Variants in SAXO1 observed in about 807,000 individuals in gnomAD.
SAXO1 encodes stabilizer of axonemal microtubules 1, also known as 4930500O09Rik.
In SAXO1, 21 loss-of-function variants were observed where a neutral mutation model predicts 17.5. The ratio of observed to expected loss-of-function variants is 1.20; its 90% CI spans 0.85 to 1.72. SAXO1 has a LOEUF of 1.72. SAXO1 is among the 40% of genes most tolerant of loss of function. The probability of loss-of-function intolerance (pLI) is 0.00; values close to 1 mark genes in which losing one functional copy is unlikely to be tolerated. For missense variants in SAXO1, 843 were observed against 596.0 expected, an observed-to-expected ratio of 1.41 and a Z score of -4.32; for synonymous variants, 274 against 216.5, an observed-to-expected ratio of 1.27 and a Z score of -2.33.
chr9:19,037,943 TCAAGCTTTTCCACC>T (rs1835982481), upstream of SAXO1, among the ~76,000 whole-genome samples: 1 of 152,208 alleles, frequency 6.6e-6, no homozygotes, highest in Non-Finnish European at 1.5e-5. Context: ...TCAGATGGTC[TCAAGCTTTTCCACC>T]CAATGAAAGG....
At chr9:18,957,612 T>G (rs1425717345) in intron 1 of SAXO1, among the ~76,000 whole-genome samples, 1 of 152,178 alleles carries the variant, frequency 6.6e-6, no homozygotes, top group Non-Finnish European at 1.5e-5. Context: ...ATTCCCCATC[T>G]AGGAGAGGGG....
intron 1 of SAXO1, among the ~76,000 whole-genome samples, chr9:18,965,699 AT>A (rs755578130): frequency 4.6e-5 from 7 of 152,020 alleles, no homozygotes; most frequent in Non-Finnish European, 8.8e-5. Context: ...ACTCTATCCA[AT>A]TTGCCAGTCT....
intron 1 of SAXO1, among the ~76,000 whole-genome samples, chr9:18,960,892 G>C (rs1588443585): frequency 6.6e-6 from 1 of 152,142 alleles, no homozygotes; most frequent in East Asian, 1.9e-4. Context: ...AGTCAGATAA[G>C]GGGTTCCCAT....
intron 1 of SAXO1, among the ~76,000 whole-genome samples, chr9:18,991,131 G>T (rs1334142327): frequency 6.6e-6 from 1 of 152,096 alleles, no homozygotes; most frequent in African/African-American, 2.4e-5. Flanking sequence ...GGTGGTGCAT[G>T]CCTGTAATCC....
chr9:19,035,890 G>C (rs1488684087), upstream of SAXO1, among the ~76,000 whole-genome samples: 5 of 152,142 alleles, frequency 3.3e-5, no homozygotes, highest in Non-Finnish European at 7.4e-5. Flanking sequence ...CAGGTGACTT[G>C]GGTGCTGTTA....
At chr9:18,943,002 C>A (rs745517113) in intron 2 of SAXO1, among the ~76,000 whole-genome samples, 1 of 152,332 alleles carries the variant, frequency 6.6e-6, no homozygotes, top group South Asian at 2.1e-4. Context: ...GCCCAAACAC[C>A]AATAAAACCC....
chr9:18,983,738 T>A (rs550924118), intron 1 of SAXO1, among the ~76,000 whole-genome samples: 1 of 152,278 alleles, frequency 6.6e-6, no homozygotes, highest in Admixed American at 6.5e-5. Flanking sequence ...TCCAAAAGGG[T>A]TGAAATCAAC....
At chr9:19,025,330 C>A (rs967453783) in intron 1 of SAXO1, among the ~76,000 whole-genome samples, 7 of 152,070 alleles carry the variant, frequency 4.6e-5, no homozygotes, top group African/African-American at 1.7e-4. Flanking sequence ...AATAAGAATT[C>A]TTCTTAAAAC....
At chr9:19,020,533 A>AT (rs1250871148) in intron 1 of SAXO1, among the ~76,000 whole-genome samples, 1 of 151,896 alleles carries the variant, frequency 6.6e-6, no homozygotes, top group Non-Finnish European at 1.5e-5. Context: ...TTGTTGTTGT[A>AT]TTTTTTGTAG....
intron 1 of SAXO1, among the ~76,000 whole-genome samples, chr9:18,964,309 T>C (rs936890930): frequency 6.6e-6 from 1 of 152,220 alleles, no homozygotes; most frequent in Non-Finnish European, 1.5e-5. Flanking sequence ...GAGGAGTCCC[T>C]CTTTTTCTAT....
At chr9:19,034,002 C>T (rs1352208257), upstream of SAXO1, among the ~76,000 whole-genome samples, 8 of 152,302 alleles carry the variant, frequency 5.3e-5, no homozygotes, top group Non-Finnish European at 1.0e-4. Flanking sequence ...GTCTCCCTTG[C>T]ATCAAAACCT....
upstream of SAXO1, among the ~76,000 whole-genome samples, chr9:19,036,110 T>G (rs1294055560): frequency 5.8e-4 from 30 of 51,878 alleles, no homozygotes; most frequent in Middle Eastern, 9.1e-3. Context: ...TGGCGGGGGG[T>G]AGGGGGCTGG....
chr9:19,004,863 AAAT>A (rs1212582357), intron 1 of SAXO1, among the ~76,000 whole-genome samples: 5 of 152,140 alleles, frequency 3.3e-5, no homozygotes. Flanking sequence ...ACTTAGAGTA[AAAT>A]AATAATAAAA....
At chr9:19,012,976 C>T (rs60744392) in intron 1 of SAXO1, among the ~76,000 whole-genome samples, 128 of 152,272 alleles carry the variant, frequency 8.4e-4, no homozygotes, top group African/African-American at 2.8e-3. Context: ...ATAGGTCACG[C>T]TTTTCTCTAG....
intron 1 of SAXO1, among the ~76,000 whole-genome samples, chr9:18,980,867 A>G (rs1301518167): frequency 6.6e-6 from 1 of 151,112 alleles, no homozygotes; most frequent in East Asian, 1.9e-4. Flanking sequence ...CTCATCCATC[A>G]GTTAACATCT....
At chr9:18,943,277 G>A (rs554337569) in intron 2 of SAXO1, among the ~76,000 whole-genome samples, 21 of 152,258 alleles carry the variant, frequency 1.4e-4, no homozygotes, top group East Asian at 3.9e-4. Flanking sequence ...ATATCTTAGC[G>A]GCAGTTATAG....
intron 1 of SAXO1, among the ~76,000 whole-genome samples, chr9:18,959,421 G>C (rs1337247795): frequency 6.6e-6 from 1 of 152,128 alleles, no homozygotes; most frequent in Non-Finnish European, 1.5e-5. Context: ...TCAGAGCCAG[G>C]TCTGCTGGCC....
intron 1 of SAXO1, among the ~76,000 whole-genome samples, 183 bp downstream of exon 1, chr9:19,032,688 C>G (rs892328188): frequency 1.3e-5 from 2 of 152,240 alleles, no homozygotes; most frequent in Admixed American, 1.3e-4. Context: ...CAGCCACATT[C>G]GCCAGAACTG....
At chr9:19,010,142 T>TAA (rs111620008) in intron 1 of SAXO1, among the ~76,000 whole-genome samples, 8 of 117,222 alleles carry the variant, frequency 6.8e-5, no homozygotes, top group African/African-American at 1.4e-4. Flanking sequence ...ATTTTTAATC[T>TAA]AAAAAAAAAC....
Sources: gnomAD v4.1 joint callset for allele counts (sites outside exome capture counted in the v4.1 genomes callset) on GRCh38, gnomAD v4.1.1 for gene constraint, MANE v1.5 for transcripts, NCBI Gene and HGNC (gene_info 2026-07-23, HGNC 2026-07-21) for gene names.